The following CAMK2B variants were observed in gnomAD, a reference collection of about 807,000 sequenced individuals.
The protein encoded by CAMK2B is calcium/calmodulin dependent protein kinase II beta.
A neutral mutation model predicts 93.7 loss-of-function variants in CAMK2B; 27 were observed. That is an observed-to-expected ratio of 0.29 (90% CI 0.21 to 0.40). The LOEUF is 0.40. Ranked by LOEUF, CAMK2B falls within the 10% of genes least tolerant of loss-of-function variation. The pLI is 1.00. For synonymous variants in CAMK2B, 374 were observed against 358.8 expected, an observed-to-expected ratio of 1.04 and a Z score of -0.48; for missense variants, 568 against 895.8, an observed-to-expected ratio of 0.63 and a Z score of 4.67.
At chr7:44,240,306 C>T (rs1486365887) in intron 12 of CAMK2B, among the ~76,000 whole-genome samples, 1 of 152,218 alleles carries the variant, frequency 6.6e-6, no homozygotes, top group Non-Finnish European at 1.5e-5. Flanking sequence ...CCCGAGCCTC[C>T]CGCATCACCC....
chr7:44,277,546 C>T (rs1010029676), intron 2 of CAMK2B, among the ~76,000 whole-genome samples: 9 of 152,142 alleles, frequency 5.9e-5, no homozygotes, highest in South Asian at 2.1e-4. Flanking sequence ...CCGCCCTGCT[C>T]GGGCCCGGAC....
In CAMK2B at chr7:44,226,564, G is replaced by A; in HGVS notation, c.1549C>T (p.Pro517Ser). The change falls in exon 20 of 24, where the codon CCC becomes TCC. Residue 517 changes from proline (P) to serine (S), a missense_variant. Coordinates refer to ENST00000395749, the MANE Select transcript of CAMK2B (RefSeq NM_001220.5). ...PEAEGPSPVGPPPCPSPTIPG... is the reference protein window; with the variant it reads ...PEAEGPSPVGSPPCPSPTIPG... ...ATAGTCGGAGATGGGCAGGGCGGGGGCCCCACTGGCGAGGGGCCCTCGGCT... is the reference window on the plus strand; with the variant it reads ...ATAGTCGGAGATGGGCAGGGCGGGGACCCCACTGGCGAGGGGCCCTCGGCT... 6.8e-7 allele frequency: 1 copy of A among 1,469,032 alleles called. No individual in the cohort carries two copies. 91.0% of individuals were successfully genotyped at this position (1,469,032 alleles called of 1,614,324 possible).
At chr7:44,222,987 G>A (rs1399483531) in intron 20 of CAMK2B, among the ~76,000 whole-genome samples, 2 of 152,254 alleles carry the variant, frequency 1.3e-5, no homozygotes, top group Non-Finnish European at 2.9e-5. Context: ...GAGCCCGATG[G>A]CACCTGAGGA....
Position 44,220,088 on chromosome 7 carries a change from C to T in CAMK2B, c.1975G>A (p.Gly659Ser). The change falls in exon 23 of 24, where the codon GGC (glycine) becomes AGC (serine). Residue 659 changes from glycine to serine, a missense_variant. Gly to Ser is a moderately conservative substitution (Grantham distance 56). Coordinates refer to ENST00000395749, the MANE Select transcript of CAMK2B (RefSeq NM_001220.5). ...KWQNVHFHCS[G>S]APVAPLQ ...CACTGCAGCGGGGCCACAGGCGCGC[C>T]CGAGCAGTGGAAGTGCACGTTCTGC... 1 of 1,603,962 alleles carries T rather than the reference C, an allele frequency of 6.2e-7. No homozygotes were observed.
In CAMK2B at chr7:44,271,123, C is replaced by T. The variant is rs188739094; in HGVS notation, c.161-8059G>A. Among the ~76,000 whole-genome samples the T allele has an allele frequency of 6.1e-3, 928 of 152,050 alleles. 10 individuals are homozygous for T. The highest frequency in any genetic ancestry group is 0.021 in the African/African-American group (876 of 41,456). On this transcript the variant is annotated intron_variant, in intron 2 of 23. Coordinates refer to ENST00000395749, the MANE Select transcript of CAMK2B (RefSeq NM_001220.5). This position sits in a 1 kb window ranked among gnomAD's most constrained non-coding sequence, Gnocchi z 4.2. ...TAGTAGAGACAGGGTTTCACCATGT[C>T]GGCCAGGCTGGTCTTGAACTCCTGA...
intron 5 of CAMK2B, 73 bp from the exon 6 acceptor site, chr7:44,247,265 C>A: frequency 7.8e-7 from 1 of 1,279,202 alleles, no homozygotes; most frequent in South Asian, 1.2e-5. Context: ...GGGGCAGGGG[C>A]AATGGTGCTG....
At chr7:44,316,090 G>A (rs761174028) in intron 1 of CAMK2B, among the ~76,000 whole-genome samples, 12 of 152,048 alleles carry the variant, frequency 7.9e-5, no homozygotes, top group Non-Finnish European at 1.5e-4. Context: ...CTCCTATACC[G>A]TGCTGCCTAG....
At chr7:44,278,425 G>T (rs1199008200) in intron 2 of CAMK2B, among the ~76,000 whole-genome samples, 1 of 152,180 alleles carries the variant, frequency 6.6e-6, no homozygotes, top group Non-Finnish European at 1.5e-5. Flanking sequence ...GTTGAAGCAG[G>T]ACATTCACCT....
intron 16 of CAMK2B, 97 bp from the exon 17 acceptor site, chr7:44,231,151 A>T: frequency 2.9e-6 from 2 of 678,804 alleles, no homozygotes; most frequent in Non-Finnish European, 4.7e-6. Flanking sequence ...TGTCAGGACC[A>T]GCCCAGGCTC....
At chr7:44,284,398 C>G (rs776217194) in intron 1 of CAMK2B, among the ~76,000 whole-genome samples, 173 bp from the exon 2 acceptor site, 1 of 152,278 alleles carries the variant, frequency 6.6e-6, no homozygotes, top group Non-Finnish European at 1.5e-5. Context: ...CCCTCACAAG[C>G]CACTCTCAGC....
chr7:44,263,087 C>T (rs372113573), intron 2 of CAMK2B, 23 bp from the exon 3 acceptor site: 234 of 1,611,532 alleles, frequency 1.5e-4, no homozygotes, highest in Admixed American at 6.3e-4. Context: ...AAAAACAAGG[C>T]GTCACCTCCT....
intron 1 of CAMK2B, among the ~76,000 whole-genome samples, chr7:44,299,094 A>G (rs1215435556): frequency 6.6e-6 from 1 of 152,230 alleles, no homozygotes; most frequent in Non-Finnish European, 1.5e-5. Flanking sequence ...CTTGTATACA[A>G]TATTCATAGC....
intron 1 of CAMK2B, among the ~76,000 whole-genome samples, chr7:44,302,863 C>G (rs555809439): frequency 2.6e-5 from 4 of 152,216 alleles, no homozygotes; most frequent in African/African-American, 9.6e-5. Context: ...AAGTATGTTC[C>G]CTTTCACCAC....
At chr7:44,275,710 C>G (rs2097028720) in intron 2 of CAMK2B, among the ~76,000 whole-genome samples, 1 of 152,176 alleles carries the variant, frequency 6.6e-6, no homozygotes, top group East Asian at 1.9e-4. Context: ...ACTGCTAAAT[C>G]CAGCAGCCTA....
chr7:44,313,990 G>A (rs1794215669), intron 1 of CAMK2B, among the ~76,000 whole-genome samples: 1 of 151,996 alleles, frequency 6.6e-6, no homozygotes, highest in Non-Finnish European at 1.5e-5. Context: ...GATTAGGGGA[G>A]GCCGCCCACC....
At chr7:44,251,498 G>A (rs61482019) in intron 5 of CAMK2B, among the ~76,000 whole-genome samples, 5,344 of 152,314 alleles carry the variant, frequency 0.035, 145 homozygotes, top group African/African-American at 0.084. Flanking sequence ...TGCTGAGGCT[G>A]TCGCACCAGC....
At chr7:44,272,175 G>A (rs997174419) in intron 2 of CAMK2B, among the ~76,000 whole-genome samples, 1 of 152,180 alleles carries the variant, frequency 6.6e-6, no homozygotes. Context: ...GATCTGGGGC[G>A]GGGAATTGGG....
At chr7:44,241,260 A>ACGGGGACCCAC (rs2096675539) in intron 11 of CAMK2B, among the ~76,000 whole-genome samples, 1 of 152,150 alleles carries the variant, frequency 6.6e-6, no homozygotes, top group African/African-American at 2.4e-5. Flanking sequence ...TGGATACCCT[A>ACGGGGACCCAC]CTGGGACCCA....
chr7:44,263,941 A>G (rs1562950287), intron 2 of CAMK2B: 1 of 154,728 alleles, frequency 6.5e-6, no homozygotes, highest in South Asian at 2.0e-4. Flanking sequence ...GAGGACCCAC[A>G]GTGTGCTCTT....
Sources: allele counts gnomAD v4.1 joint callset (sites outside exome capture counted in the v4.1 genomes callset), GRCh38; gene constraint gnomAD v4.1.1; non-coding constraint Gnocchi (gnomAD v3.1); transcripts MANE v1.5; gene names NCBI Gene and HGNC (gene_info 2026-07-23, HGNC 2026-07-21).